Variants in LIFR observed in about 807,000 individuals in gnomAD.
LIFR encodes the protein leukemia inhibitory factor receptor.
LIFR carries 84 observed loss-of-function variants against 122.2 expected under a neutral mutation model. The observed-to-expected ratio is 0.69, with a 90% CI of 0.58 to 0.82. The LOEUF (loss-of-function observed/expected upper bound fraction) is 0.82, where lower values mean the gene tolerates loss of function less well. LIFR is among the 40% of genes least tolerant of loss of function. The pLI is 0.00. For synonymous variants in LIFR, 422 were observed against 434.7 expected, an observed-to-expected ratio of 0.97 and a Z score of 0.36; for missense variants, 1,294 against 1,311.6, an observed-to-expected ratio of 0.99 and a Z score of 0.21.
chr5:38,536,240 C>T (rs975117677), intron 1 of LIFR, among the ~76,000 whole-genome samples: 15 of 152,086 alleles, frequency 9.9e-5, no homozygotes, highest in African/African-American at 3.6e-4. Flanking sequence ...AAAAATACTA[C>T]CATAGACCCT....
intron 1 of LIFR, among the ~76,000 whole-genome samples, chr5:38,588,408 G>A (rs960038507): frequency 6.6e-6 from 1 of 152,208 alleles, no homozygotes. Context: ...AGGATGATGA[G>A]ACTGTCTAAT....
intron 1 of LIFR, among the ~76,000 whole-genome samples, chr5:38,580,290 G>A (rs1749539246): frequency 6.6e-6 from 1 of 152,144 alleles, no homozygotes; most frequent in Non-Finnish European, 1.5e-5. Flanking sequence ...TATGGCTGGA[G>A]TGTGCCACAA....
At position 38,502,734 on chromosome 5, in the gene LIFR, T is replaced by G. The variant is rs774068052; in HGVS notation, c.1503A>C (p.Pro501=). Reference sequence around the variant, plus strand: ...GAATCCGAAAAGTATATAGAGTGTATGGATTTAACTTGTCCAGAGCAACAA... The same window carrying G: ...GAATCCGAAAAGTATATAGAGTGTAGGGATTTAACTTGTCCAGAGCAACAA... ...SYLVALDKLN[P]YTLYTFRIRC... Residue 501 remains proline (P), a synonymous_variant, in exon 11 of 20, where the codon CCA becomes CCC. Transcript: ENST00000453190. 1.2e-6 allele frequency: 2 copies of G among 1,610,858 alleles called. No individual in the cohort carries two copies. Among genetic ancestry groups the G allele is most frequent in the Admixed American group, 3.3e-5 (2 of 60,008 alleles).
intron 1 of LIFR, among the ~76,000 whole-genome samples, chr5:38,588,413 TC>T (rs1749817956): frequency 6.6e-6 from 1 of 152,216 alleles, no homozygotes; most frequent in Admixed American, 6.5e-5. Flanking sequence ...GATGAGACTG[TC>T]TAATCATTCC....
At chr5:38,607,497 A>G (rs929960755) in intron 1 of LIFR, 1 of 143,702 alleles carries the variant, frequency 7.0e-6, no homozygotes, top group Non-Finnish European at 1.5e-5. Flanking sequence ...TCTCTCTCTC[A>G]CTCTCTCTCA....
chr5:38,522,684 A>G (rs1746466321), intron 5 of LIFR, among the ~76,000 whole-genome samples: 1 of 152,198 alleles, frequency 6.6e-6, no homozygotes, highest in Admixed American at 6.5e-5. Flanking sequence ...TAGGAATGAA[A>G]TACATGGGTT....
chr5:38,508,897 A>G (rs1414640707), intron 7 of LIFR, among the ~76,000 whole-genome samples: 3 of 152,130 alleles, frequency 2.0e-5, no homozygotes, highest in Admixed American at 2.0e-4. Context: ...ATTTCTTTTC[A>G]GTCTTTTCCG....
intron 13 of LIFR, 60 bp downstream of exon 13, chr5:38,496,322 A>G: frequency 1.5e-6 from 2 of 1,305,216 alleles, no homozygotes; most frequent in Non-Finnish European, 2.2e-6. Flanking sequence ...AGCAAGTAAC[A>G]TCAGACATTT....
In LIFR at chr5:38,510,386, C is replaced by T. The variant is rs74946482; in HGVS notation, c.991+78G>A. ...AACAGAATCACTCCTCCCACCCCCC[C>T]ACTCCAGAAGAATTAAGGCTTTCAA... On this transcript the variant is annotated intron_variant, in intron 7 of 19. Coordinates refer to ENST00000453190, the MANE Select transcript of LIFR (RefSeq NM_001127671.2). 36 of 1,280,936 alleles carry T rather than the reference C, an allele frequency of 2.8e-5. 2 individuals carry two copies. Among genetic ancestry groups the T allele is most frequent in the South Asian group, 2.4e-4 (20 of 82,700 alleles). The allele number at this position is 1,280,936 out of a possible 1,614,324, so 79.3% of individuals were successfully genotyped here.
chr5:38,538,614 C>T (rs1747416183), intron 1 of LIFR, among the ~76,000 whole-genome samples: 1 of 152,146 alleles, frequency 6.6e-6, no homozygotes, highest in South Asian at 2.1e-4. Context: ...CTCACACCTC[C>T]CACCTGACTT....
rs1035416865 is a variant in LIFR, at chr5:38,476,042, G to A, written c.*5553C>T. ...CACAACAATGAAAGGTTTCTTTTTC[G>A]TGTTGTCTCCCGCTACTCACAATGT... is the stretch of plus-strand genomic sequence containing the variant. On this transcript the variant is annotated 3_prime_UTR_variant, in exon 20 of 20. Coordinates refer to ENST00000453190, the MANE Select transcript of LIFR (RefSeq NM_001127671.2). 2.5e-5 allele frequency: 5 copies of A among 198,778 alleles called. No individual in the cohort carries two copies. The highest frequency in any genetic ancestry group is 6.0e-5 in the Admixed American group (1 of 16,552). 12.3% of individuals were successfully genotyped at this position (198,778 alleles called of 1,614,324 possible). A position where few individuals can be genotyped will look rare whatever the true frequency, so the allele number is the denominator to read the frequency against.
chr5:38,562,206 A>G lies in LIFR; in HGVS notation c.-19-31540T>C, dbSNP rs184295277. Reference sequence around the variant, plus strand: ...CATCTGATTGGAATCTTCGTTTCAGATTCTTACTCTTCCTCTCCTTAAGGA... The same window carrying G: ...CATCTGATTGGAATCTTCGTTTCAGGTTCTTACTCTTCCTCTCCTTAAGGA... On this transcript the variant is annotated intron_variant, in intron 1 of 19. Coordinates refer to the LIFR transcript ENST00000263409. Among the ~76,000 whole-genome samples the G allele has an allele frequency of 4.9e-3, 741 of 152,236 alleles. 15 individuals are homozygous for G. Among genetic ancestry groups the G allele is most frequent in the Admixed American group, 0.042 (637 of 15,284 alleles).
In LIFR at chr5:38,482,619, T is replaced by A; in HGVS notation, c.2640A>T (p.Lys880Asn). The A allele has an allele frequency of 1.3e-6, 2 of 1,502,540 alleles. No individual in the cohort carries two copies. Among genetic ancestry groups the A allele is most frequent in the Non-Finnish European group, 1.8e-6 (2 of 1,104,970 alleles). The allele number at this position is 1,502,540 out of a possible 1,614,324, so 93.1% of individuals were successfully genotyped here. ...AGACACTCTTTTGAAACTGTAATGC[T>A]TTACAGTTTTCTGGATTTGGAATAT... ...YPDIPNPENC[K>N]ALQFQKSVCE... The change falls in exon 19 of 20, where the codon AAA (lysine) becomes AAT (asparagine). Residue 880 changes from lysine (K) to asparagine (N), a missense_variant. Coordinates refer to ENST00000453190, the MANE Select transcript of LIFR (RefSeq NM_001127671.2).
upstream of LIFR, among the ~76,000 whole-genome samples, chr5:38,600,035 T>C (rs1236787957): frequency 6.6e-6 from 1 of 152,228 alleles, no homozygotes; most frequent in Non-Finnish European, 1.5e-5. Context: ...GGGGGCTTCA[T>C]CTGTATGATA....
At chr5:38,516,336 A>C (rs1219253968) in intron 5 of LIFR, among the ~76,000 whole-genome samples, 2 of 152,238 alleles carry the variant, frequency 1.3e-5, no homozygotes, top group African/African-American at 4.8e-5. Flanking sequence ...TAATATCCAG[A>C]ATCTACAAGG....
At chr5:38,564,714 AAT>A (rs5867415) in intron 1 of LIFR, among the ~76,000 whole-genome samples, 3 of 147,798 alleles carry the variant, frequency 2.0e-5, no homozygotes, top group Non-Finnish European at 4.5e-5. Context: ...ATATACACAC[AAT>A]ATATATATAC....
At chr5:38,574,780 TCA>T (rs1749329336) in intron 1 of LIFR, among the ~76,000 whole-genome samples, 1 of 152,196 alleles carries the variant, frequency 6.6e-6, no homozygotes, top group Non-Finnish European at 1.5e-5. Flanking sequence ...ATGCTGACGG[TCA>T]CAGTCTTTTC....
At position 38,511,876 on chromosome 5, in the gene LIFR, A is replaced by G; in HGVS notation, c.650T>C (p.Phe217Ser). The G allele has an allele frequency of 6.2e-7, 1 of 1,614,162 alleles. No homozygotes were observed. Residue 217 changes from phenylalanine to serine, a missense_variant, in exon 6 of 20, where the codon TTT becomes TCT. Coordinates refer to ENST00000453190, the MANE Select transcript of LIFR (RefSeq NM_001127671.2). ...GTCAATGTAGCATCTAATTTCCACA[A>G]AATGAATGGCACATTCCAAGGGCAT... ...SDMPLECAIH[F>S]VEIRCYIDNL...
At chr5:38,497,343 T>C (rs765566943) in intron 12 of LIFR, among the ~76,000 whole-genome samples, 1 of 152,108 alleles carries the variant, frequency 6.6e-6, no homozygotes, top group Non-Finnish European at 1.5e-5. Context: ...TAAAATCCAC[T>C]GGGAGCAGGG....
Sources: gnomAD v4.1 joint callset for allele counts (sites outside exome capture counted in the v4.1 genomes callset) on GRCh38, gnomAD v4.1.1 for gene constraint, MANE v1.5 for transcripts, NCBI Gene and HGNC (gene_info 2026-07-23, HGNC 2026-07-21) for gene names.